The following FAM13A variants were observed in gnomAD, a reference collection of about 807,000 sequenced individuals.
FAM13A encodes family with sequence similarity 13 member A.
A neutral mutation model predicts 129.6 loss-of-function variants in FAM13A; 76 were observed. The observed-to-expected ratio is 0.59, with a 90% CI of 0.49 to 0.71. The LOEUF is 0.71. Ranked by LOEUF, FAM13A falls within the 30% of genes least tolerant of loss-of-function variation. The pLI, the probability that FAM13A is intolerant of heterozygous loss-of-function variation, is 0.00. For synonymous variants in FAM13A, 443 were observed against 449.9 expected, an observed-to-expected ratio of 0.98 and a Z score of 0.20; for missense variants, 1,108 against 1,249.3, an observed-to-expected ratio of 0.89 and a Z score of 1.70.
At chr4:88,748,859 A>G (rs1249996090) in intron 17 of FAM13A, 93 bp downstream of exon 17, 1 of 879,846 alleles carries the variant, frequency 1.1e-6, no homozygotes, top group Non-Finnish European at 1.9e-6. Context: ...AGGACCGGGG[A>G]ATGCCTTAGC....
In FAM13A at chr4:88,750,479, ATTG is replaced by A; in HGVS notation, c.1882_1884del (p.Gln628del). The A allele has an allele frequency of 1.2e-6, 2 of 1,614,184 alleles. No individual in the cohort carries two copies. Among genetic ancestry groups the A allele is most frequent in the Non-Finnish European group, 1.7e-6 (2 of 1,180,026 alleles). ...GGAGGCACTTCTGTGTCATCCAGGTATTGCCTGCTCTGCCCATAAGCGTAGAAC... is the reference window on the plus strand; with the variant it reads ...GGAGGCACTTCTGTGTCATCCAGGTACCTGCTCTGCCCATAAGCGTAGAAC... On this transcript the variant is annotated inframe_deletion, in exon 15 of 24. Coordinates refer to ENST00000264344, the MANE Select transcript of FAM13A (RefSeq NM_014883.4).
chr4:88,729,830 AG>A (rs1254422078), intron 23 of FAM13A: 1 of 152,264 alleles, frequency 6.6e-6, no homozygotes, highest in African/African-American at 2.4e-5. Flanking sequence ...AATATAAAAA[AG>A]GATAAGCCAA....
At chr4:88,957,978 G>A (rs1215906445) in intron 4 of FAM13A, among the ~76,000 whole-genome samples, 1 of 151,998 alleles carries the variant, frequency 6.6e-6, no homozygotes, top group Non-Finnish European at 1.5e-5. Context: ...TCAGATGTGA[G>A]AGCAAAGAAA....
intron 8 of FAM13A, among the ~76,000 whole-genome samples, chr4:88,802,547 T>C (rs1473757674): frequency 6.6e-6 from 1 of 152,194 alleles, no homozygotes; most frequent in Non-Finnish European, 1.5e-5. Flanking sequence ...TGAAGGTAAC[T>C]GAAATATATG....
At chr4:88,729,755 TA>T (rs1737227662) in intron 23 of FAM13A, 1 of 152,210 alleles carries the variant, frequency 6.6e-6, no homozygotes, top group Non-Finnish European at 1.5e-5. Context: ...GACATTTTCT[TA>T]AAACCTGGGT....
At chr4:88,874,733 T>G (rs1742072920) in intron 6 of FAM13A, among the ~76,000 whole-genome samples, 1 of 152,192 alleles carries the variant, frequency 6.6e-6, no homozygotes, top group South Asian at 2.1e-4. Context: ...ATTTATAGAT[T>G]CAATGCCATC....
intron 1 of FAM13A, among the ~76,000 whole-genome samples, chr4:89,046,415 T>C (rs761317312): frequency 3.3e-5 from 5 of 152,102 alleles, no homozygotes; most frequent in Admixed American, 1.3e-4. Context: ...TTTTAAGACA[T>C]ATAAAGAAGA....
intron 3 of FAM13A, chr4:89,008,943 G>A (rs1765397550): frequency 1.3e-5 from 2 of 152,094 alleles, no homozygotes; most frequent in African/African-American, 4.8e-5. Flanking sequence ...CCTCTCATAA[G>A]CACTAACCTT....
At chr4:88,891,069 G>A (rs936999812) in intron 6 of FAM13A, among the ~76,000 whole-genome samples, 2 of 152,084 alleles carry the variant, frequency 1.3e-5, no homozygotes, top group Non-Finnish European at 2.9e-5. Context: ...TTATCAGTAC[G>A]TTCTACCAAA....
At chr4:88,752,834 A>C (rs1222748213) in intron 14 of FAM13A, among the ~76,000 whole-genome samples, 1 of 152,214 alleles carries the variant, frequency 6.6e-6, no homozygotes, top group African/African-American at 2.4e-5. Context: ...TTCTGTCATG[A>C]TATTTCATAA....
chr4:88,996,545 T>A lies in FAM13A; in HGVS notation c.428-5395A>T, dbSNP rs1264756943. On this transcript the variant is annotated intron_variant, in intron 3 of 23. Transcript: ENST00000264344. ...TCTGTTCCAGGCACCATTCTAAGCA[T>A]TTGAGATAAATCCATAAACAAAATA... is the stretch of plus-strand genomic sequence containing the variant. Among the ~76,000 whole-genome samples the A allele has an allele frequency of 7.2e-5, 11 of 152,338 alleles. 1 individual carries two copies. The South Asian group carries it at 2.3e-3, about 32-fold the overall frequency.
intron 14 of FAM13A, chr4:88,753,751 AT>A: frequency 3.7e-6 from 1 of 273,074 alleles, no homozygotes; most frequent in Non-Finnish European, 5.6e-6. Flanking sequence ...ACTGTTCCCC[AT>A]TTTAGTTTGA....
intron 6 of FAM13A, among the ~76,000 whole-genome samples, chr4:88,878,919 TG>T (rs1743059185): frequency 6.6e-6 from 1 of 152,192 alleles, no homozygotes; most frequent in South Asian, 2.1e-4. Context: ...GTAGGTAAGG[TG>T]TTAGATTCCT....
At chr4:89,017,524 T>C (rs1189584984) in intron 3 of FAM13A, among the ~76,000 whole-genome samples, 2 of 152,136 alleles carry the variant, frequency 1.3e-5, no homozygotes, top group Non-Finnish European at 2.9e-5. Flanking sequence ...AAAACTATTC[T>C]GGAAATGTGA....
intron 14 of FAM13A, among the ~76,000 whole-genome samples, chr4:88,754,742 C>G (rs1300379673): frequency 6.6e-6 from 1 of 152,148 alleles, no homozygotes; most frequent in Non-Finnish European, 1.5e-5. Flanking sequence ...TGTTAACCAA[C>G]AGAGTTAGAA....
chr4:88,825,227 T>TTG (rs1553996182), intron 7 of FAM13A, among the ~76,000 whole-genome samples: 53 of 149,572 alleles, frequency 3.5e-4, no homozygotes, highest in African/African-American at 1.1e-3. Flanking sequence ...TTTTTTTTTT[T>TTG]GGGGGGGGGA....
chr4:89,032,761 A>T (rs1008263063), intron 1 of FAM13A, among the ~76,000 whole-genome samples: 2 of 152,320 alleles, frequency 1.3e-5, no homozygotes, highest in South Asian at 4.1e-4. Context: ...TGTTTTGAGG[A>T]ATGACTGCAT....
intron 7 of FAM13A, among the ~76,000 whole-genome samples, chr4:88,817,626 T>G (rs1731031525): frequency 6.6e-6 from 1 of 152,180 alleles, no homozygotes; most frequent in African/African-American, 2.4e-5. Flanking sequence ...ATTAAAAATG[T>G]TTAATACAGA....
At chr4:88,815,718 T>C (rs963475379) in intron 7 of FAM13A, among the ~76,000 whole-genome samples, 3 of 152,202 alleles carry the variant, frequency 2.0e-5, no homozygotes, top group African/African-American at 7.2e-5. Flanking sequence ...AGTGTATCTC[T>C]ATCAGCTAAG....
Sources: allele counts gnomAD v4.1 joint callset (sites outside exome capture counted in the v4.1 genomes callset), GRCh38; gene constraint gnomAD v4.1.1; transcripts MANE v1.5; gene names NCBI Gene and HGNC (gene_info 2026-07-23, HGNC 2026-07-21).